BICDL1: variants seen among roughly 807,000 people sequenced by gnomAD.
The protein encoded by BICDL1 is BICD family like cargo adaptor 1.
In BICDL1, 20 loss-of-function variants were observed where a neutral mutation model predicts 76.8. That is an observed-to-expected ratio of 0.26 (90% confidence interval 0.18 to 0.38). The LOEUF is 0.38. Among genes scored for constraint, BICDL1 ranks in the 10% least tolerant of loss-of-function variants. The probability of loss-of-function intolerance (pLI) is 1.00; values close to 1 mark genes in which losing one functional copy is unlikely to be tolerated. For missense variants in BICDL1, 700 were observed against 798.6 expected, an observed-to-expected ratio of 0.88 and a Z score of 1.49; for synonymous variants, 383 against 337.1, an observed-to-expected ratio of 1.14 and a Z score of -1.49.
intron 2 of BICDL1, among the ~76,000 whole-genome samples, chr12:120,002,495 A>G (rs754781352): frequency 6.6e-5 from 10 of 152,326 alleles, no homozygotes; most frequent in Non-Finnish European, 1.0e-4. Flanking sequence ...GCCTTTGGCC[A>G]TATGACTAAG....
rs573725622 is a variant in BICDL1 at position 120,059,741 on chromosome 12, C to T, written c.646-1969C>T. On this transcript the variant is annotated intron_variant, in intron 2 of 9. Coordinates refer to ENST00000548673, the MANE Select transcript of BICDL1 (RefSeq NM_001367886.1). ...TTTATTTTTGAGACAGGCTTTCACA[C>T]TCTGTTGCCAAGGCTGTAGTGCAGT... 1.1e-4 allele frequency among the ~76,000 whole-genome samples: 16 copies of T among 152,154 alleles called. No individual in the cohort carries two copies. In the South Asian group the frequency reaches 3.3e-3, roughly 32 times the overall value.
At position 119,989,972 on chromosome 12, in the gene BICDL1, G is replaced by T; in HGVS notation, c.104G>T (p.Arg35Leu). 6.8e-7 allele frequency: 1 copy of T among 1,469,162 alleles called. No individual in the cohort carries two copies. The highest frequency in any genetic ancestry group is 1.4e-5 in the South Asian group (1 of 73,038). The allele number at this position is 1,469,162 out of a possible 1,614,324, so 91.0% of individuals were successfully genotyped here. A position where few individuals can be genotyped will look rare whatever the true frequency, so the allele number is the denominator to read the frequency against. Residue 35 changes from arginine (R) to leucine (L), a missense_variant, in exon 1 of 10, where the codon CGG (arginine) becomes CTG (leucine). Physicochemically the swap from Arg to Leu is moderately radical, Grantham distance 102. This residue lies in a region of BICDL1 where 225 missense variants were observed against 199.6 expected (regional missense o/e 1.13). Coordinates refer to ENST00000548673, the MANE Select transcript of BICDL1 (RefSeq NM_001367886.1). The part of the protein sequence containing the change: ...ELPAAAGDAV[R>L]SPAAAAALIF... The stretch of plus-strand genomic sequence containing the variant: ...CCCGCCGCGGCCGGGGACGCAGTCC[G>T]GAGTCCCGCCGCCGCCGCCGCCCTC...
intron 2 of BICDL1, among the ~76,000 whole-genome samples, chr12:120,042,823 G>T (rs1484196050): frequency 6.7e-6 from 1 of 150,262 alleles, no homozygotes; most frequent in Admixed American, 6.6e-5. Flanking sequence ...AAAAAAAGAC[G>T]AAGAACCTAA....
chr12:119,997,154 A>G lies in BICDL1; in HGVS notation c.430-1367A>G, dbSNP rs772551919. Among the ~76,000 whole-genome samples, 19 of 152,118 alleles carry G rather than the reference A, an allele frequency of 1.2e-4. No homozygotes were observed. The East Asian group carries it at 1.7e-3, about 14-fold the overall frequency. On this transcript the variant is annotated intron_variant, in intron 1 of 9. Transcript: ENST00000548673. ...GTAGAGATCAGGTTTCACCGTGTTA[A>G]CCAGGATGGTCTCGATCTCCTGACC...
chr12:120,033,496 C>A (rs1339725745), intron 2 of BICDL1, among the ~76,000 whole-genome samples: 2 of 151,262 alleles, frequency 1.3e-5, no homozygotes, highest in Non-Finnish European at 2.9e-5. Flanking sequence ...CCCACCTCAG[C>A]CTCCCAAGTA....
rs1220359195 is a variant in BICDL1 at position 120,093,052 on chromosome 12, A to C, written c.1757A>C (p.Glu586Ala). ...CAGCTGATGGACACGCACCTGAAAG[A>C]ACGGAGCCAGCCGGCTGCTGCCCTC... is the stretch of plus-strand genomic sequence containing the variant. ...DRQLMDTHLK[E>A]RSQPAAALCR... Residue 586 changes from glutamate (E) to alanine (A), a missense_variant, in exon 10 of 10, where the codon GAA becomes GCA. Coordinates refer to ENST00000548673, the MANE Select transcript of BICDL1 (RefSeq NM_001367886.1). The C allele has an allele frequency of 1.2e-6, 2 of 1,600,324 alleles. No individual in the cohort carries two copies. The highest frequency in any genetic ancestry group is 1.7e-6 in the Non-Finnish European group (2 of 1,172,524).
At chr12:119,997,293 T>C (rs1224518039) in intron 1 of BICDL1, among the ~76,000 whole-genome samples, 2 of 152,188 alleles carry the variant, frequency 1.3e-5, no homozygotes, top group Non-Finnish European at 2.9e-5. Context: ...TCTTGTTTTA[T>C]TGAGCTGCTA....
At chr12:120,027,195 T>C (rs2138742493) in intron 2 of BICDL1, among the ~76,000 whole-genome samples, 1 of 151,968 alleles carries the variant, frequency 6.6e-6, no homozygotes, top group East Asian at 1.9e-4. Context: ...CACACCTGGC[T>C]AATTTTTTGT....
chr12:120,003,815 G>A (rs918511128), intron 2 of BICDL1, among the ~76,000 whole-genome samples: 2 of 152,214 alleles, frequency 1.3e-5, no homozygotes, highest in South Asian at 2.1e-4. Context: ...GTAGTTCTCT[G>A]ACTCTACTGA....
intron 2 of BICDL1, among the ~76,000 whole-genome samples, chr12:120,053,436 G>A (rs189052001): frequency 1.5e-4 from 23 of 152,202 alleles, no homozygotes; most frequent in East Asian, 5.8e-4. Flanking sequence ...CCTTTTCCCC[G>A]TTTGTTGATT....
intron 1 of BICDL1, chr12:119,992,899 G>A (rs1951554798): frequency 6.6e-6 from 1 of 152,128 alleles, no homozygotes; most frequent in Non-Finnish European, 1.5e-5. Context: ...TAATGAGACT[G>A]GTTTTATTTT....
In BICDL1 at chr12:120,071,565, A is replaced by G. The variant is rs1333859098; in HGVS notation, c.910-57A>G. ...CAGAAGCATGATCAGGTTGAGGGTC[A>G]GTTTGTCTTGGTTTTTGTGTTTGGT... On this transcript the variant is annotated intron_variant, in intron 4 of 9. Coordinates refer to ENST00000548673, the MANE Select transcript of BICDL1 (RefSeq NM_001367886.1). This position sits in a 1 kb window ranked among gnomAD's most constrained non-coding sequence, Gnocchi z 4.8. 1.3e-6 allele frequency: 2 copies of G among 1,536,318 alleles called. No homozygotes were observed. The highest frequency in any genetic ancestry group is 1.8e-6 in the Non-Finnish European group (2 of 1,142,000).
At chr12:120,085,533 A>C (rs1235859915) in intron 8 of BICDL1, among the ~76,000 whole-genome samples, 4 of 152,180 alleles carry the variant, frequency 2.6e-5, no homozygotes, top group Non-Finnish European at 5.9e-5. Context: ...AAGCAGAAGG[A>C]GGCCAGGCAA....
At chr12:120,091,785 A>G in intron 9 of BICDL1, 1 of 985,342 alleles carries the variant, frequency 1.0e-6, no homozygotes, top group Non-Finnish European at 1.2e-6. Context: ...AATGACACCC[A>G]TGGGTGGGAG....
At chr12:120,010,936 G>GA (rs1248375602) in intron 2 of BICDL1, among the ~76,000 whole-genome samples, 1 of 151,456 alleles carries the variant, frequency 6.6e-6, no homozygotes, top group Non-Finnish European at 1.5e-5. Flanking sequence ...TACTGATTAA[G>GA]AAAAAAAGGG....
intron 2 of BICDL1, among the ~76,000 whole-genome samples, chr12:120,045,122 A>G (rs947948252): frequency 6.2e-4 from 95 of 152,302 alleles, no homozygotes; most frequent in African/African-American, 2.2e-3. Context: ...ATAAACAGAC[A>G]CTTCTCAAAA....
At position 119,989,286 on chromosome 12, in the gene BICDL1, G is replaced by C. The variant is rs1454355622; in HGVS notation, c.-583G>C. On this transcript the variant is annotated 5_prime_UTR_variant, in exon 1 of 10. Coordinates refer to ENST00000548673, the MANE Select transcript of BICDL1 (RefSeq NM_001367886.1). Reference sequence around the variant, plus strand: ...GCGCGCGATGTGGAGCCGCCGCCTCGGCCCCTGCAGCAGCAGCAGCCGCCG... The same window carrying C: ...GCGCGCGATGTGGAGCCGCCGCCTCCGCCCCTGCAGCAGCAGCAGCCGCCG... Among the ~76,000 whole-genome samples, 2 of 147,750 alleles carry C rather than the reference G, an allele frequency of 1.4e-5. No individual in the cohort carries two copies. The highest frequency in any genetic ancestry group is 3.0e-5 in the Non-Finnish European group (2 of 67,058).
intron 2 of BICDL1, among the ~76,000 whole-genome samples, chr12:120,011,681 T>C (rs1951956098): frequency 6.6e-6 from 1 of 152,226 alleles, no homozygotes; most frequent in Non-Finnish European, 1.5e-5. Flanking sequence ...ATAGACCCTT[T>C]CATGGTTATA....
intron 2 of BICDL1, among the ~76,000 whole-genome samples, chr12:120,001,088 C>T (rs1256206406): frequency 6.6e-6 from 1 of 151,778 alleles, no homozygotes. Flanking sequence ...ATAGCTTTTT[C>T]CCTTTTTTCA....
Sources: allele counts gnomAD v4.1 joint callset (sites outside exome capture counted in the v4.1 genomes callset), GRCh38; gene constraint gnomAD v4.1.1; regional missense constraint gnomAD v4.1.1; non-coding constraint Gnocchi (gnomAD v3.1); transcripts MANE v1.5; gene names NCBI Gene and HGNC (gene_info 2026-07-23, HGNC 2026-07-21).